Variants in C10orf90 observed in about 807,000 individuals in gnomAD.
The protein encoded by C10orf90 is chromosome 10 open reading frame 90.
In C10orf90, 56 loss-of-function variants were observed where a neutral mutation model predicts 62.5. The observed-to-expected ratio is 0.90, with a 90% CI of 0.72 to 1.12. The LOEUF is 1.12. Among genes scored for constraint, C10orf90 ranks in the 50% most tolerant of loss-of-function variants. The pLI, the probability that C10orf90 is intolerant of heterozygous loss-of-function variation, is 0.00. For missense variants in C10orf90, 970 were observed against 880.4 expected (o/e 1.10, Z -1.29); for synonymous variants, 386 against 340.4 (o/e 1.13, Z -1.47).
At chr10:126,598,417 A>G (rs1845128645) in intron 2 of C10orf90, among the ~76,000 whole-genome samples, 1 of 152,144 alleles carries the variant, frequency 6.6e-6, no homozygotes, top group African/African-American at 2.4e-5. Flanking sequence ...TTAACATCCT[A>G]TATGATGCCC....
At chr10:126,461,636 C>A in intron 5 of C10orf90, 51 bp from the exon 6 acceptor site, 1 of 1,540,502 alleles carries the variant, frequency 6.5e-7, no homozygotes, top group Non-Finnish European at 8.8e-7. Flanking sequence ...GTGATTTTCA[C>A]GTGGCTCCTC....
intron 7 of C10orf90, among the ~76,000 whole-genome samples, chr10:126,452,759 T>A (rs1859287846): frequency 6.6e-6 from 1 of 152,358 alleles, no homozygotes; most frequent in South Asian, 2.1e-4. Flanking sequence ...CAAGTGAATG[T>A]CTTTGAATTG....
At chr10:126,586,820 G>T (rs1371644702) in intron 2 of C10orf90, among the ~76,000 whole-genome samples, 2 of 152,106 alleles carry the variant, frequency 1.3e-5, no homozygotes, top group African/African-American at 2.4e-5. Context: ...ATCCACCACA[G>T]GCGCTGCTCC....
rs927977380 is a variant in C10orf90, at chr10:126,490,725, T to C, written c.1534+13232A>G. ...CTGGTAAATTCTCTCTAAATAGATA[T>C]AGAGAGAATCTATATATCTCTATTT... On this transcript the variant is annotated intron_variant, in intron 4 of 9. Coordinates refer to ENST00000488181, the MANE Select transcript of C10orf90 (RefSeq NM_001350921.2). Among the ~76,000 whole-genome samples the C allele has an allele frequency of 2.6e-5, 4 of 152,056 alleles. No individual in the cohort carries two copies. The South Asian group carries it at 6.2e-4, about 24-fold the overall frequency.
chr10:126,611,318 T>G (rs1006649906), intron 2 of C10orf90, among the ~76,000 whole-genome samples: 1 of 152,260 alleles, frequency 6.6e-6, no homozygotes, highest in Non-Finnish European at 1.5e-5. Flanking sequence ...TGTAGTAATA[T>G]GTGCCAGGAC....
intron 2 of C10orf90, among the ~76,000 whole-genome samples, chr10:126,526,023 A>AACACACACACACACACACACACACACAC (rs3040780): frequency 1.4e-5 from 2 of 138,962 alleles, no homozygotes; most frequent in Admixed American, 7.3e-5. Flanking sequence ...CACCTGCCAC[A>AACACACACACACACACACACACACACAC]ACACACACAC....
intron 4 of C10orf90, among the ~76,000 whole-genome samples, chr10:126,496,019 C>G (rs1401384014): frequency 6.6e-6 from 1 of 152,214 alleles, no homozygotes; most frequent in Non-Finnish European, 1.5e-5. Flanking sequence ...GCCCCATTCC[C>G]AAGCCCGTGG....
intron 2 of C10orf90, among the ~76,000 whole-genome samples, chr10:126,613,659 T>A (rs926958901): frequency 1.3e-5 from 2 of 152,214 alleles, no homozygotes; most frequent in Non-Finnish European, 2.9e-5. Context: ...TTATCCCTCT[T>A]CAATCACTGC....
chr10:126,471,357 A>T (rs932115973), intron 4 of C10orf90, among the ~76,000 whole-genome samples: 1 of 152,240 alleles, frequency 6.6e-6, no homozygotes, highest in African/African-American at 2.4e-5. Flanking sequence ...GACAGTAAGC[A>T]GATTTCTTCT....
At chr10:126,506,359 C>A (rs986769700) in intron 3 of C10orf90, among the ~76,000 whole-genome samples, 4 of 152,210 alleles carry the variant, frequency 2.6e-5, no homozygotes, top group Non-Finnish European at 5.9e-5. Flanking sequence ...AGGGTCCTGG[C>A]CCCCGTTTAG....
At chr10:126,548,257 G>A (rs1864547064) in intron 2 of C10orf90, among the ~76,000 whole-genome samples, 1 of 152,180 alleles carries the variant, frequency 6.6e-6, no homozygotes, top group African/African-American at 2.4e-5. Context: ...AAAAAAGCAA[G>A]TGGGGCCGGG....
chr10:126,555,720 AAAT>A (rs1439508322), intron 2 of C10orf90, among the ~76,000 whole-genome samples: 2 of 133,396 alleles, frequency 1.5e-5, no homozygotes. Flanking sequence ...AAATAAATAA[AAAT>A]TAAATAAATA....
At chr10:126,437,805 G>A (rs1409837839) in intron 7 of C10orf90, among the ~76,000 whole-genome samples, 2 of 151,950 alleles carry the variant, frequency 1.3e-5, no homozygotes, top group Admixed American at 1.3e-4. Context: ...GCAACAAACA[G>A]GCCCCCAGCT....
chr10:126,470,011 T>TGCA (rs1860489674), intron 4 of C10orf90: 1 of 456,494 alleles, frequency 2.2e-6, no homozygotes, highest in Non-Finnish European at 4.4e-6. Flanking sequence ...TGTCCTGCAG[T>TGCA]GGAGGGAAAG....
chr10:126,624,281 G>T (rs1295032153), intron 2 of C10orf90, among the ~76,000 whole-genome samples: 2 of 152,138 alleles, frequency 1.3e-5, no homozygotes, highest in Non-Finnish European at 2.9e-5. Context: ...AGGAGGTGGA[G>T]GTTGCAGTGA....
At chr10:126,521,319 A>G (rs1288227454) in intron 2 of C10orf90, 3 of 1,614,164 alleles carry the variant, frequency 1.9e-6, no homozygotes, top group Non-Finnish European at 2.5e-6. Flanking sequence ...CAGTTTGAGC[A>G]TATTCTACTG....
intron 1 of C10orf90, among the ~76,000 whole-genome samples, chr10:126,662,840 C>T (rs1175877073): frequency 6.8e-6 from 1 of 147,588 alleles, no homozygotes; most frequent in East Asian, 2.0e-4. Flanking sequence ...GTGTAGACAC[C>T]CTGGCCTGGC....
intron 4 of C10orf90, among the ~76,000 whole-genome samples, chr10:126,491,953 G>C (rs773209897): frequency 8.5e-5 from 13 of 152,198 alleles, no homozygotes; most frequent in Non-Finnish European, 1.5e-4. Context: ...TCCTTTCTAA[G>C]CCTGTCTGTG....
chr10:126,444,467 G>A (rs557556320), intron 7 of C10orf90, among the ~76,000 whole-genome samples: 74 of 152,050 alleles, frequency 4.9e-4, no homozygotes, highest in Non-Finnish European at 8.5e-4. Flanking sequence ...CCTAACAAAC[G>A]AGATGAAAGA....
Sources: allele counts gnomAD v4.1 joint callset (sites outside exome capture counted in the v4.1 genomes callset), GRCh38; gene constraint gnomAD v4.1.1; transcripts MANE v1.5; gene names NCBI Gene and HGNC (gene_info 2026-07-23, HGNC 2026-07-21).